The following ZNF292 variants were observed in gnomAD, a reference collection of about 807,000 sequenced individuals.
ZNF292 encodes the protein zinc finger protein 292.
A neutral mutation model predicts 217.9 loss-of-function variants in ZNF292; 26 were observed. That is an observed-to-expected ratio of 0.12 (90% CI 0.09 to 0.17). The LOEUF is 0.17. Among genes scored for constraint, ZNF292 ranks in the 10% least tolerant of loss-of-function variants. The pLI is 1.00. For missense variants in ZNF292, 2,904 were observed against 3,175.2 expected, an observed-to-expected ratio of 0.91 and a Z score of 2.05; for synonymous variants, 1,257 against 1,124.1, an observed-to-expected ratio of 1.12 and a Z score of -2.37.
At chr6:87,172,539 C>T (rs1471388066) in intron 1 of ZNF292, among the ~76,000 whole-genome samples, 1 of 152,018 alleles carries the variant, frequency 6.6e-6, no homozygotes, top group African/African-American at 2.4e-5. Context: ...CTAAGTTAAA[C>T]AATAGAAGTA....
At chr6:87,160,837 G>C (rs1362017723) in intron 1 of ZNF292, among the ~76,000 whole-genome samples, 1 of 152,084 alleles carries the variant, frequency 6.6e-6, no homozygotes, top group East Asian at 1.9e-4. Context: ...TGTGGTACTG[G>C]CATTTAGTGC....
chr6:87,184,308 A>C (rs915430203), intron 1 of ZNF292, among the ~76,000 whole-genome samples: 3 of 152,026 alleles, frequency 2.0e-5, no homozygotes, highest in Admixed American at 1.3e-4. Context: ...AGAGTGGTGT[A>C]CTCTACACAT....
Position 87,216,875 on chromosome 6 carries a change from A to G in ZNF292, c.402+498A>G, listed in dbSNP as rs541955732. On this transcript the variant is annotated intron_variant, in intron 3 of 7. Transcript: ENST00000369577. The stretch of plus-strand genomic sequence containing the variant: ...ACTAAGGTTCTTTATTCCAAAGCCC[A>G]TGCCTTTTCTTCTGTCTGAAAACAC... Among the ~76,000 whole-genome samples, 13 of 152,168 alleles carry G rather than the reference A, an allele frequency of 8.5e-5. No homozygotes were observed. In the East Asian group the frequency reaches 2.5e-3, roughly 29 times the overall value.
intron 1 of ZNF292, among the ~76,000 whole-genome samples, chr6:87,203,110 G>A (rs1772140890): frequency 6.8e-6 from 1 of 147,754 alleles, no homozygotes; most frequent in African/African-American, 2.5e-5. Context: ...TGTTATTAGA[G>A]TGAATTACAT....
chr6:87,237,130 T>C (rs1773942919), intron 5 of ZNF292, among the ~76,000 whole-genome samples: 1 of 152,242 alleles, frequency 6.6e-6, no homozygotes, highest in African/African-American at 2.4e-5. Flanking sequence ...GCCCAAGAGT[T>C]AATTTTGATT....
chr6:87,193,757 G>A (rs1398223547), intron 1 of ZNF292, among the ~76,000 whole-genome samples: 2 of 152,124 alleles, frequency 1.3e-5, no homozygotes, highest in African/African-American at 4.8e-5. Context: ...TTACTTTCAG[G>A]CTAAGTGTAG....
chr6:87,221,235 A>G (rs779264564), intron 4 of ZNF292, among the ~76,000 whole-genome samples: 33 of 152,198 alleles, frequency 2.2e-4, no homozygotes, highest in Non-Finnish European at 4.4e-4. Context: ...AGGTAGCTCT[A>G]ATAACTAAAC....
In ZNF292 at chr6:87,216,144, CACACACACACACAA is replaced by C. The variant is rs1199935706; in HGVS notation, c.323+88_323+101del. 33 of 1,004,406 alleles carry C rather than the reference CACACACACACACAA, an allele frequency of 3.3e-5. No homozygotes were observed. The African/African-American group carries it at 6.4e-4, about 20-fold the overall frequency. 62.2% of individuals were successfully genotyped at this position (1,004,406 alleles called of 1,614,324 possible). On this transcript the variant is annotated intron_variant, in intron 2 of 7. Transcript: ENST00000369577. ...ACACACACACACACACACACACACA[CACACACACACACAA>C]CATTAAATCTCAAGTCTTATAGTTT...
At chr6:87,246,870 G>A (rs1344815941) in intron 7 of ZNF292, among the ~76,000 whole-genome samples, 1 of 151,690 alleles carries the variant, frequency 6.6e-6, no homozygotes, top group South Asian at 2.1e-4. Context: ...CAAAAAGCAG[G>A]CCGGACGGAC....
At position 87,255,566 on chromosome 6, in the gene ZNF292, T is replaced by C. The variant is rs768988205; in HGVS notation, c.1937T>C (p.Ile646Thr). 1.2e-6 allele frequency: 2 copies of C among 1,610,732 alleles called. No individual in the cohort carries two copies. The highest frequency in any genetic ancestry group is 1.7e-6 in the Non-Finnish European group (2 of 1,178,078). Residue 646 changes from isoleucine (I) to threonine (T), a missense_variant, in exon 8 of 8, where the codon ATA becomes ACA. Around this residue, in one of 15 missense-constraint regions of ZNF292, gnomAD observed 216 missense variants for 308.3 expected, o/e 0.70. Transcript: ENST00000369577. The part of the protein sequence containing the change: ...KKNSLYSTDF[I>T]VFNDNDGSDD... ...AATAGTCTCTATTCAACAGATTTTATAGTGTTTAATGACAATGATGGTTCA... is the reference window on the plus strand; with the variant it reads ...AATAGTCTCTATTCAACAGATTTTACAGTGTTTAATGACAATGATGGTTCA...
chr6:87,261,363 T>A lies in ZNF292; in HGVS notation c.7734T>A (p.Pro2578=). 1 of 1,613,302 alleles carries A rather than the reference T, an allele frequency of 6.2e-7. No homozygotes were observed. Among genetic ancestry groups the A allele is most frequent in the South Asian group, 1.1e-5 (1 of 91,016 alleles). ...CCATTCAAACCATTGAGGAGCATCC[T>A]GCATCTTTTGACTGGAGCTCTTTTA... ...AVAIQTIEEH[P]ASFDWSSFKP... The change falls in exon 8 of 8, where the codon CCT becomes CCA. Residue 2578 remains proline, a synonymous_variant. Transcript: ENST00000369577.
In ZNF292 at chr6:87,261,933, A is replaced by G. The variant is rs1775626360; in HGVS notation, c.*132A>G. ...GAATTAACCTGGCCAAAAACAAAAA[A>G]GAAAAAAAAAACATGACATTTGTCA... On this transcript the variant is annotated 3_prime_UTR_variant, in exon 8 of 8. Transcript: ENST00000369577. 1 of 657,974 alleles carries G rather than the reference A, an allele frequency of 1.5e-6. No homozygotes were observed. Among genetic ancestry groups the G allele is most frequent in the East Asian group, 3.2e-5 (1 of 31,480 alleles). 40.8% of individuals were successfully genotyped at this position (657,974 alleles called of 1,614,324 possible).
At chr6:87,176,135 G>A (rs922631983) in intron 1 of ZNF292, among the ~76,000 whole-genome samples, 2 of 152,178 alleles carry the variant, frequency 1.3e-5, no homozygotes, top group Admixed American at 6.5e-5. Context: ...CACTAGGTTC[G>A]TGGCTGAGTC....
At position 87,263,456 on chromosome 6, in the gene ZNF292, C is replaced by A. The variant is rs531442976; in HGVS notation, c.*1655C>A. 2.0e-5 allele frequency: 3 copies of A among 152,062 alleles called. No homozygotes were observed. The highest frequency in any genetic ancestry group is 4.1e-4 in the South Asian group (2 of 4,822). The allele number at this position is 152,062 out of a possible 1,614,324, so 9.4% of individuals were successfully genotyped here. A position where few individuals can be genotyped will look rare whatever the true frequency, so the allele number is the denominator to read the frequency against. On this transcript the variant is annotated 3_prime_UTR_variant, in exon 8 of 8. Coordinates refer to ENST00000369577, the MANE Select transcript of ZNF292 (RefSeq NM_015021.3). ...GAAGCACTTACTGAAATCGCTGGTA[C>A]TCTGAATAAATAAGCATGGTCAAGG...
intron 1 of ZNF292, among the ~76,000 whole-genome samples, chr6:87,171,203 A>T (rs1314654442): frequency 6.6e-6 from 1 of 152,172 alleles, no homozygotes; most frequent in Admixed American, 6.5e-5. Flanking sequence ...ATGGGAGTGA[A>T]TGTGCCAGGA....
At chr6:87,218,040 A>G (rs530140321) in intron 3 of ZNF292, among the ~76,000 whole-genome samples, 2 of 152,280 alleles carry the variant, frequency 1.3e-5, no homozygotes, top group East Asian at 3.9e-4. Flanking sequence ...TGGACTGAAG[A>G]CTATGCCCAT....
Position 87,172,096 on chromosome 6 carries a change from A to G in ZNF292, c.168+16337A>G, listed in dbSNP as rs16878613. Among the ~76,000 whole-genome samples the G allele has an allele frequency of 5.2e-3, 792 of 152,296 alleles. 32 individuals carry two copies. Among genetic ancestry groups the G allele is most frequent in the Admixed American group, 0.046 (696 of 15,296 alleles). On this transcript the variant is annotated intron_variant, in intron 1 of 7. Transcript: ENST00000369577. ...CACTTAGCACAATTACTAATTTTCTATAGTCTCTTATACTGTGTACTCTTT... is the reference window on the plus strand; with the variant it reads ...CACTTAGCACAATTACTAATTTTCTGTAGTCTCTTATACTGTGTACTCTTT...
intron 1 of ZNF292, among the ~76,000 whole-genome samples, chr6:87,176,255 C>CT (rs1365293905): frequency 6.6e-6 from 1 of 152,092 alleles, no homozygotes; most frequent in Non-Finnish European, 1.5e-5. Flanking sequence ...ACAGGGAAAC[C>CT]TGTGTATTTC....
At chr6:87,239,058 TAG>T (rs1194266194) in intron 5 of ZNF292, among the ~76,000 whole-genome samples, 1 of 152,130 alleles carries the variant, frequency 6.6e-6, no homozygotes, top group East Asian at 1.9e-4. Flanking sequence ...CGGAACAAAA[TAG>T]AGTCTCCTAT....
Sources: gnomAD v4.1 joint callset for allele counts (sites outside exome capture counted in the v4.1 genomes callset) on GRCh38, gnomAD v4.1.1 for gene constraint, gnomAD v4.1.1 regional missense constraint, MANE v1.5 for transcripts, NCBI Gene and HGNC (gene_info 2026-07-23, HGNC 2026-07-21) for gene names.